The following EFL1 variants were observed in gnomAD, a reference collection of about 807,000 sequenced individuals.
EFL1 encodes the protein elongation factor like GTPase 1, also known as elongation factor-like GTPase 1.
EFL1 carries 76 observed loss-of-function variants against 126.7 expected under a neutral mutation model. The ratio of observed to expected loss-of-function variants is 0.60; its 90% CI spans 0.50 to 0.73. The LOEUF (loss-of-function observed/expected upper bound fraction) is 0.73, where lower values mean the gene tolerates loss of function less well. Ranked by LOEUF, EFL1 falls within the 30% of genes least tolerant of loss-of-function variation. The pLI is 0.00. For synonymous variants in EFL1, 410 were observed against 448.4 expected, an observed-to-expected ratio of 0.91 and a Z score of 1.08; for missense variants, 1,128 against 1,343.2, an observed-to-expected ratio of 0.84 and a Z score of 2.50.
At chr15:82,251,991 T>C (rs2075026049) in intron 4 of EFL1, among the ~76,000 whole-genome samples, 1 of 152,186 alleles carries the variant, frequency 6.6e-6, no homozygotes, top group Non-Finnish European at 1.5e-5. Flanking sequence ...GCATATATAA[T>C]ATATTTTTAT....
At chr15:82,130,655 T>C in intron 19 of EFL1, 94 bp from the exon 20 acceptor site, 1 of 1,352,128 alleles carries the variant, frequency 7.4e-7, no homozygotes, top group Non-Finnish European at 1.0e-6. Flanking sequence ...TCTTAGCTAA[T>C]GAAAAAAAGT....
At chr15:82,134,717 T>C (rs1431479949) in intron 19 of EFL1, among the ~76,000 whole-genome samples, 4 of 152,272 alleles carry the variant, frequency 2.6e-5, no homozygotes, top group Admixed American at 6.5e-5. Context: ...CTTGAGGTTA[T>C]GCTGACATAC....
intron 17 of EFL1, among the ~76,000 whole-genome samples, chr15:82,155,242 CTG>C (rs911531346): frequency 1.8e-4 from 27 of 152,260 alleles, no homozygotes; most frequent in African/African-American, 5.8e-4. Flanking sequence ...TGGCTCACGT[CTG>C]TAATCCCAGC....
intron 15 of EFL1, among the ~76,000 whole-genome samples, chr15:82,190,574 C>G (rs2074349085): frequency 6.6e-6 from 1 of 151,886 alleles, no homozygotes; most frequent in East Asian, 1.9e-4. Context: ...AATCGGTGGT[C>G]TCCATAAAAA....
At chr15:82,168,520 T>C (rs1385383235) in intron 15 of EFL1, among the ~76,000 whole-genome samples, 2 of 152,206 alleles carry the variant, frequency 1.3e-5, no homozygotes, top group East Asian at 3.8e-4. Flanking sequence ...TTTCTGTCTG[T>C]TTGTTTTTGA....
chr15:82,223,487 G>A (rs1391763270), intron 12 of EFL1, among the ~76,000 whole-genome samples: 2 of 152,002 alleles, frequency 1.3e-5, no homozygotes, highest in Non-Finnish European at 2.9e-5. Flanking sequence ...TGAATTATTA[G>A]GAAAAACATT....
At chr15:82,239,348 G>A (rs2074907428) in intron 6 of EFL1, among the ~76,000 whole-genome samples, 1 of 152,130 alleles carries the variant, frequency 6.6e-6, no homozygotes, top group African/African-American at 2.4e-5. Flanking sequence ...TTGTTCGACA[G>A]GATGGTCTCA....
intron 15 of EFL1, among the ~76,000 whole-genome samples, chr15:82,182,426 C>G (rs1321933406): frequency 6.6e-6 from 1 of 152,152 alleles, no homozygotes; most frequent in East Asian, 1.9e-4. Context: ...AGCACAGGGA[C>G]AGTTTATAAA....
At chr15:82,180,756 T>C (rs947940467) in intron 15 of EFL1, among the ~76,000 whole-genome samples, 1 of 152,094 alleles carries the variant, frequency 6.6e-6, no homozygotes, top group Non-Finnish European at 1.5e-5. Context: ...TTCTTTCTTT[T>C]TTTTTTTTAA....
chr15:82,136,173 C>CA lies in EFL1; in HGVS notation c.3174+2484dup, dbSNP rs931046555. On this transcript the variant is annotated intron_variant, in intron 19 of 19. Transcript: ENST00000268206. ...ACTGTCAAATGATGAGATTTTAAAA[C>CA]AAAAAATTGAATATACGAATTCAAA... Among the ~76,000 whole-genome samples the CA allele has an allele frequency of 2.6e-4, 40 of 151,710 alleles. No homozygotes were observed. The East Asian group carries it at 7.6e-3, about 29-fold the overall frequency.
At chr15:82,158,433 G>C (rs1338606286) in intron 16 of EFL1, among the ~76,000 whole-genome samples, 1 of 151,958 alleles carries the variant, frequency 6.6e-6, no homozygotes, top group African/African-American at 2.4e-5. Context: ...CTTTTTCCTG[G>C]GAGTTGAGAG....
intron 1 of EFL1, 82 bp from the exon 2 acceptor site, chr15:82,261,879 G>A (rs1567083948): frequency 2.8e-6 from 3 of 1,083,350 alleles, no homozygotes; most frequent in Non-Finnish European, 4.0e-6. Flanking sequence ...ACGCTGGGAG[G>A]TGGCAAGCTT....
intron 14 of EFL1, among the ~76,000 whole-genome samples, chr15:82,217,791 T>C (rs938647307): frequency 2.0e-5 from 3 of 152,126 alleles, no homozygotes; most frequent in Non-Finnish European, 4.4e-5. Context: ...ACAAACGGAA[T>C]ATGGCAAAAG....
chr15:82,229,547 A>G (rs372857376), intron 8 of EFL1, among the ~76,000 whole-genome samples: 81 of 152,274 alleles, frequency 5.3e-4, no homozygotes, highest in African/African-American at 1.9e-3. Context: ...AAACCCCATC[A>G]TTACTCTTAA....
rs1337846782 is a variant in EFL1, at chr15:82,252,768, T to C, written c.167A>G (p.Tyr56Cys). 1 of 1,588,280 alleles carries C rather than the reference T, an allele frequency of 6.3e-7. No individual in the cohort carries two copies. The highest frequency in any genetic ancestry group is 2.2e-5 in the East Asian group (1 of 44,660). ...ISSRLAGKLR[Y>C]MDSREDEQIR... ...CTGTTCATCTTCTCTGCTGTCCATG[T>C]ACCTTAACTGGAAAAATGCAACATA... The change falls in exon 4 of 20, where the codon TAC (tyrosine) becomes TGC (cysteine). Residue 56 changes from tyrosine to cysteine, a missense_variant. Physicochemically the swap from Tyr to Cys is radical, Grantham distance 194. Around this residue, in one of 6 missense-constraint regions of EFL1, gnomAD observed 118 missense variants for 188.1 expected, o/e 0.63. Coordinates refer to ENST00000268206, the MANE Select transcript of EFL1 (RefSeq NM_024580.6).
At chr15:82,208,894 G>A (rs2074554000) in intron 15 of EFL1, among the ~76,000 whole-genome samples, 1 of 151,866 alleles carries the variant, frequency 6.6e-6, no homozygotes, top group Admixed American at 6.6e-5. Flanking sequence ...ATTAAAGTCT[G>A]GAAGGAACTA....
chr15:82,138,540 G>C, intron 19 of EFL1, 118 bp downstream of exon 19: 2 of 1,186,590 alleles, frequency 1.7e-6, no homozygotes, highest in African/African-American at 1.5e-5. Flanking sequence ...ATTTGACTGA[G>C]TTGAGCCATA....
chr15:82,242,053 T>C (rs2074936280), intron 4 of EFL1, among the ~76,000 whole-genome samples: 1 of 152,096 alleles, frequency 6.6e-6, no homozygotes, highest in African/African-American at 2.4e-5. Flanking sequence ...AGCACGGAAA[T>C]TCCCACATCC....
chr15:82,259,109 G>A lies in EFL1; in HGVS notation c.138C>T (p.Ile46=). ...ATACCTTGCCTGCTAGGCGGCTGGAGATGATTCCATTGCTAGATATAAGAC... is the reference window on the plus strand; with the variant it reads ...ATACCTTGCCTGCTAGGCGGCTGGAAATGATTCCATTGCTAGATATAAGAC... ...ADCLISSNGI[I]SSRLAGKLRY... The change falls in exon 3 of 20, where the codon ATC becomes ATT. Residue 46 remains isoleucine, a synonymous_variant. Coordinates refer to ENST00000268206, the MANE Select transcript of EFL1 (RefSeq NM_024580.6). 1 of 1,614,008 alleles carries A rather than the reference G, an allele frequency of 6.2e-7. No homozygotes were observed. The highest frequency in any genetic ancestry group is 1.7e-5 in the Admixed American group (1 of 60,028).
Sources: gnomAD v4.1 joint callset for allele counts (sites outside exome capture counted in the v4.1 genomes callset) on GRCh38, gnomAD v4.1.1 for gene constraint, gnomAD v4.1.1 regional missense constraint, MANE v1.5 for transcripts, NCBI Gene and HGNC (gene_info 2026-07-23, HGNC 2026-07-21) for gene names.